The following UNC5D variants were observed in gnomAD, a reference collection of about 807,000 sequenced individuals.
UNC5D encodes the protein netrin receptor UNC5D.
A neutral mutation model predicts 105.4 loss-of-function variants in UNC5D; 39 were observed. The ratio of observed to expected loss-of-function variants is 0.37; its 90% CI spans 0.29 to 0.48. UNC5D has a LOEUF of 0.48. Ranked by LOEUF, UNC5D falls within the 20% of genes least tolerant of loss-of-function variation. The pLI, the probability that UNC5D is intolerant of heterozygous loss-of-function variation, is 0.98. For synonymous variants in UNC5D, 452 were observed against 450.4 expected, an observed-to-expected ratio of 1.00 and a Z score of -0.04; for missense variants, 991 against 1,202.4, an observed-to-expected ratio of 0.82 and a Z score of 2.60.
intron 4 of UNC5D, among the ~76,000 whole-genome samples, chr8:35,636,684 T>G (rs945367803): frequency 1.3e-5 from 2 of 152,100 alleles, no homozygotes; most frequent in Admixed American, 1.3e-4. Context: ...TGCTGGGGGA[T>G]GGGGTAGGGG....
intron 11 of UNC5D, among the ~76,000 whole-genome samples, chr8:35,735,206 ACTC>A (rs1334510558): frequency 6.6e-6 from 1 of 151,598 alleles, no homozygotes; most frequent in Non-Finnish European, 1.5e-5. Context: ...AGTTCCCACT[ACTC>A]CTCTCCTCTC....
intron 1 of UNC5D, among the ~76,000 whole-genome samples, chr8:35,360,980 T>A (rs915367799): frequency 3.3e-5 from 5 of 151,978 alleles, no homozygotes; most frequent in South Asian, 2.1e-4. Flanking sequence ...AAAGATTTTT[T>A]AAAATATATA....
At chr8:35,724,648 C>G (rs552732944) in intron 9 of UNC5D, among the ~76,000 whole-genome samples, 1 of 152,150 alleles carries the variant, frequency 6.6e-6, no homozygotes, top group African/African-American at 2.4e-5. Flanking sequence ...TTTTTGCTTC[C>G]TTGTGTCACT....
chr8:35,430,306 G>A (rs1806538446), intron 1 of UNC5D, among the ~76,000 whole-genome samples: 1 of 50,692 alleles, frequency 2.0e-5, no homozygotes, highest in African/African-American at 7.1e-5. Context: ...ACATCTGGAT[G>A]TTTCTGGAGG....
chr8:35,771,380 G>A (rs1348783443), intron 15 of UNC5D, among the ~76,000 whole-genome samples: 1 of 152,028 alleles, frequency 6.6e-6, no homozygotes, highest in Non-Finnish European at 1.5e-5. Flanking sequence ...CCACGTCTTT[G>A]GCATTGACAA....
chr8:35,737,268 G>GTC (rs1829518744), intron 11 of UNC5D, among the ~76,000 whole-genome samples: 1 of 147,024 alleles, frequency 6.8e-6, no homozygotes, highest in African/African-American at 2.6e-5. Flanking sequence ...GTGTGTGTGT[G>GTC]TGTGTGTGTG....
At chr8:35,458,689 A>G (rs1808663594) in intron 1 of UNC5D, among the ~76,000 whole-genome samples, 1 of 152,170 alleles carries the variant, frequency 6.6e-6, no homozygotes, top group Non-Finnish European at 1.5e-5. Flanking sequence ...CCGAGTGGAT[A>G]TCAATGAAAC....
At chr8:35,572,285 A>AC (rs1485534044) in intron 3 of UNC5D, among the ~76,000 whole-genome samples, 3 of 150,062 alleles carry the variant, frequency 2.0e-5, no homozygotes, top group Non-Finnish European at 4.4e-5. Context: ...CAAAAAAAAA[A>AC]AAAAAAAAAA....
intron 1 of UNC5D, among the ~76,000 whole-genome samples, chr8:35,384,460 G>GT (rs1803258810): frequency 6.6e-6 from 1 of 152,106 alleles, no homozygotes; most frequent in Non-Finnish European, 1.5e-5. Context: ...ATTGGAAGGG[G>GT]TTTGTGTCTT....
intron 1 of UNC5D, among the ~76,000 whole-genome samples, chr8:35,363,554 T>C (rs530622566): frequency 6.6e-6 from 1 of 152,306 alleles, no homozygotes; most frequent in Admixed American, 6.5e-5. Flanking sequence ...GTATTTAGAT[T>C]GTGCATTTTC....
chr8:35,476,247 G>A (rs1810090519), intron 1 of UNC5D, among the ~76,000 whole-genome samples: 1 of 152,126 alleles, frequency 6.6e-6, no homozygotes, highest in Non-Finnish European at 1.5e-5. Context: ...ACTGAGTTAG[G>A]CAATGGGCCT....
intron 8 of UNC5D, among the ~76,000 whole-genome samples, chr8:35,719,762 T>G (rs1429087382): frequency 6.6e-6 from 1 of 152,204 alleles, no homozygotes; most frequent in Admixed American, 6.5e-5. Flanking sequence ...CCCATTTTGC[T>G]TATCTCTCTA....
At chr8:35,746,324 A>G (rs1454307624) in intron 11 of UNC5D, among the ~76,000 whole-genome samples, 1 of 152,150 alleles carries the variant, frequency 6.6e-6, no homozygotes, top group African/African-American at 2.4e-5. Context: ...TGATTGTTAC[A>G]GGTAGAAGGT....
At position 35,554,940 on chromosome 8, in the gene UNC5D, G is replaced by A. The variant is rs185481091; in HGVS notation, c.322+5430G>A. Among the ~76,000 whole-genome samples, 13 of 152,292 alleles carry A rather than the reference G, an allele frequency of 8.5e-5. No homozygotes were observed. The East Asian group carries it at 2.1e-3, about 25-fold the overall frequency. ...TCTGGGGATAAAAGGTTAATGGATT[G>A]TGTCAAGAAAAGGGAGAAGAATAGA... On this transcript the variant is annotated intron_variant, in intron 2 of 16. Transcript: ENST00000404895.
At chr8:35,536,420 A>C (rs968250443) in intron 1 of UNC5D, among the ~76,000 whole-genome samples, 1 of 152,234 alleles carries the variant, frequency 6.6e-6, no homozygotes, top group African/African-American at 2.4e-5. Context: ...CAGAAGAAGG[A>C]CTTTGTTGTA....
At chr8:35,515,885 G>A (rs1813064569) in intron 1 of UNC5D, among the ~76,000 whole-genome samples, 2 of 152,108 alleles carry the variant, frequency 1.3e-5, no homozygotes. Flanking sequence ...CCCTTCAGCT[G>A]ACTCAGAGAA....
At chr8:35,527,636 GGGT>G (rs1813973315) in intron 1 of UNC5D, among the ~76,000 whole-genome samples, 1 of 152,026 alleles carries the variant, frequency 6.6e-6, no homozygotes, top group African/African-American at 2.4e-5. Context: ...TCTGCTTCCT[GGGT>G]TCAAGCGATT....
At chr8:35,536,393 A>G (rs991366270) in intron 1 of UNC5D, among the ~76,000 whole-genome samples, 6 of 152,236 alleles carry the variant, frequency 3.9e-5, no homozygotes, top group African/African-American at 7.2e-5. Flanking sequence ...CCTCATATCA[A>G]TGTCTTAGGC....
In UNC5D at chr8:35,739,367, A is replaced by C. The variant is rs573199054; in HGVS notation, c.1766+8271A>C. 4.6e-5 allele frequency among the ~76,000 whole-genome samples: 7 copies of C among 152,212 alleles called. No individual in the cohort carries two copies. The South Asian group carries it at 1.5e-3, about 32-fold the overall frequency. On this transcript the variant is annotated intron_variant, in intron 11 of 16. Transcript: ENST00000404895. ...GAGGAACAAATTTTTTAAAAATCAC[A>C]TTGTCATTTTAAGACCTGCTCTTTT...
Sources: allele counts gnomAD v4.1 joint callset (sites outside exome capture counted in the v4.1 genomes callset), GRCh38; gene constraint gnomAD v4.1.1; transcripts MANE v1.5; gene names NCBI Gene and HGNC (gene_info 2026-07-23, HGNC 2026-07-21).